Variants in LIMS4 observed in about 807,000 individuals in gnomAD.
LIMS4 encodes LIM and senescent cell antigen-like-containing domain protein 4.
chr2:110,395,868 G>A, the LIMS4 span, among the ~76,000 whole-genome samples: 1 of 130,958 alleles, frequency 7.6e-6, no homozygotes, highest in Admixed American at 7.8e-5. Flanking sequence ...GACCTGTGCA[G>A]GGCCCAGGCC....
the LIMS4 span, among the ~76,000 whole-genome samples, chr2:110,411,155 C>A: frequency 1.8e-5 from 1 of 54,328 alleles, no homozygotes; most frequent in Non-Finnish European, 3.4e-5. Context: ...ATCCGCCTAC[C>A]TCGGCCTCCC....
chr2:110,361,342 T>A, the LIMS4 span: 1 of 1,242,558 alleles, frequency 8.0e-7, no homozygotes, highest in Non-Finnish European at 1.2e-6. Flanking sequence ...AGCAGGGTTG[T>A]TTCTTCATTT....
At chr2:110,373,647 C>T in the LIMS4 span, among the ~76,000 whole-genome samples, 7 of 151,570 alleles carry the variant, frequency 4.6e-5, no homozygotes, top group Admixed American at 4.6e-4. Flanking sequence ...GTGACTCTCC[C>T]CAGTCACAGG....
chr2:110,425,372 C>A, the LIMS4 span, among the ~76,000 whole-genome samples: 3 of 140,902 alleles, frequency 2.1e-5, no homozygotes, highest in Non-Finnish European at 4.5e-5. Flanking sequence ...AGCAATACTG[C>A]TCTCTAAACA....
the LIMS4 span, among the ~76,000 whole-genome samples, chr2:110,425,699 G>A: frequency 4.8e-4 from 68 of 141,920 alleles, 6 homozygotes; most frequent in Middle Eastern, 0.017. Flanking sequence ...CTGTTGCCTC[G>A]AGGATGAAGA....
chr2:110,425,388 A>T, the LIMS4 span, among the ~76,000 whole-genome samples: 1 of 140,178 alleles, frequency 7.1e-6, no homozygotes, highest in Admixed American at 7.0e-5. Flanking sequence ...AAACATAAAA[A>T]ATTAAATAAA....
the LIMS4 span, chr2:110,361,833 AG>A: frequency 2.0e-5 from 16 of 812,270 alleles, no homozygotes; most frequent in Middle Eastern, 2.2e-4. Context: ...TGCTGTGTGT[AG>A]GTGTGGGAAT....
At chr2:110,382,065 C>CA in the LIMS4 span, among the ~76,000 whole-genome samples, 2 of 10,084 alleles carry the variant, frequency 2.0e-4, 1 homozygote, top group Non-Finnish European at 3.4e-4. Flanking sequence ...GACTCCGTCT[C>CA]AAAAAAAAAA....
the LIMS4 span, among the ~76,000 whole-genome samples, chr2:110,425,338 CCACT>C: frequency 1.4e-5 from 2 of 141,614 alleles, no homozygotes; most frequent in African/African-American, 3.0e-5. Context: ...GGTGATTGCA[CCACT>C]GTAATCCAGC....
chr2:110,423,331 TG>T, the LIMS4 span, among the ~76,000 whole-genome samples: 1 of 90,852 alleles, frequency 1.1e-5, no homozygotes, highest in African/African-American at 6.5e-5. Context: ...GCCCCTAATC[TG>T]GAGCCCCAGC....
the LIMS4 span, among the ~76,000 whole-genome samples, chr2:110,390,858 G>T: frequency 3.9e-5 from 6 of 152,262 alleles, no homozygotes; most frequent in Middle Eastern, 3.2e-3. Flanking sequence ...GAGGGGGAGC[G>T]GGACCAAGCC....
the LIMS4 span, among the ~76,000 whole-genome samples, chr2:110,425,194 C>T: frequency 3.5e-5 from 5 of 143,364 alleles, no homozygotes; most frequent in East Asian, 8.0e-4. Context: ...GAGTTTGATA[C>T]CTGCCTAGGC....
the LIMS4 span, chr2:110,362,196 G>C: frequency 1.3e-6 from 1 of 772,144 alleles, no homozygotes; most frequent in Admixed American, 2.1e-5. Flanking sequence ...TCTTGTCCTG[G>C]AAGATTTCAT....
the LIMS4 span, among the ~76,000 whole-genome samples, chr2:110,423,335 GC>G: frequency 1.1e-5 from 1 of 88,288 alleles, no homozygotes; most frequent in African/African-American, 6.8e-5. Flanking sequence ...CTAATCTGGA[GC>G]CCCAGCACCG....
the LIMS4 span, among the ~76,000 whole-genome samples, chr2:110,396,039 G>A: frequency 1.5e-5 from 2 of 137,402 alleles, no homozygotes; most frequent in African/African-American, 6.1e-5. Context: ...TCAGATGGAT[G>A]AGGGCGTAGC....
chr2:110,366,751 ATC>A, the LIMS4 span, among the ~76,000 whole-genome samples: 1 of 152,094 alleles, frequency 6.6e-6, no homozygotes. Context: ...AAGTCAAACT[ATC>A]TCTGTTTGCA....
the LIMS4 span, among the ~76,000 whole-genome samples, chr2:110,425,003 C>T: frequency 1.4e-5 from 2 of 143,838 alleles, no homozygotes; most frequent in African/African-American, 5.7e-5. Context: ...CTGCTTGGGT[C>T]CCGGTCAGCT....
the LIMS4 span, among the ~76,000 whole-genome samples, chr2:110,368,964 A>C: frequency 8.0e-6 from 1 of 125,632 alleles, no homozygotes; most frequent in Non-Finnish European, 1.6e-5. Flanking sequence ...AAACCCCAGA[A>C]GCATGGAGTG....
the LIMS4 span, among the ~76,000 whole-genome samples, chr2:110,373,760 C>T: frequency 4.7e-5 from 7 of 149,560 alleles, 1 homozygote; most frequent in African/African-American, 1.0e-4. Flanking sequence ...GTTCAGGCCC[C>T]GACTGGCCCC....
Sources: allele counts gnomAD v4.1 joint callset (sites outside exome capture counted in the v4.1 genomes callset), GRCh38; gene constraint gnomAD v4.1.1; transcripts MANE v1.5; gene names NCBI Gene and HGNC (gene_info 2026-07-23, HGNC 2026-07-21).